The following ST3GAL3 variants were observed in gnomAD, a reference collection of about 807,000 sequenced individuals.
ST3GAL3 encodes ST3 beta-galactoside alpha-2,3-sialyltransferase 3, also known as CMP-N-acetylneuraminate-beta-1,4-galactoside alpha-2,3-sialyltransferase.
In ST3GAL3, 21 loss-of-function variants were observed where a neutral mutation model predicts 50.1. The observed-to-expected ratio is 0.42, with a 90% CI of 0.30 to 0.60. The LOEUF is 0.60. Ranked by LOEUF, ST3GAL3 falls within the 20% of genes least tolerant of loss-of-function variation. The pLI is 0.19. For synonymous variants in ST3GAL3, 183 were observed against 190.0 expected, an observed-to-expected ratio of 0.96 and a Z score of 0.30; for missense variants, 353 against 489.4, an observed-to-expected ratio of 0.72 and a Z score of 2.63.
At chr1:43,917,422 T>C (rs1157969015) in intron 9 of ST3GAL3, among the ~76,000 whole-genome samples, 1 of 119,678 alleles carries the variant, frequency 8.4e-6, no homozygotes, top group Non-Finnish European at 1.6e-5. Context: ...TGTTTCCCTC[T>C]CTATACTATC....
At chr1:43,925,602 T>C (rs1026743753) in intron 11 of ST3GAL3, among the ~76,000 whole-genome samples, 1 of 152,204 alleles carries the variant, frequency 6.6e-6, no homozygotes, top group Admixed American at 6.5e-5. Context: ...CTCTGTTACC[T>C]GGGGTGTCTC....
chr1:43,917,149 C>G (rs2081947979), intron 9 of ST3GAL3: 1 of 151,564 alleles, frequency 6.6e-6, no homozygotes, highest in South Asian at 2.1e-4. Context: ...TATAGCAGTC[C>G]AGGAGAATTT....
intron 5 of ST3GAL3, among the ~76,000 whole-genome samples, chr1:43,870,719 G>A (rs1183570579): frequency 6.6e-6 from 1 of 152,178 alleles, no homozygotes; most frequent in Admixed American, 6.5e-5. Flanking sequence ...CTGTTCCCGG[G>A]AGAGCCTGTG....
chr1:43,830,217 T>A (rs58911208), intron 4 of ST3GAL3, among the ~76,000 whole-genome samples: 7,556 of 151,830 alleles, frequency 0.05, 612 homozygotes, highest in African/African-American at 0.17. Flanking sequence ...AAATTTTTTT[T>A]AAATAGAGAT....
At chr1:43,784,160 A>C (rs907097975) in intron 2 of ST3GAL3, among the ~76,000 whole-genome samples, 11 of 152,100 alleles carry the variant, frequency 7.2e-5, no homozygotes, top group African/African-American at 2.7e-4. Context: ...ATACCAGCTT[A>C]AGTACTATCT....
intron 5 of ST3GAL3, among the ~76,000 whole-genome samples, chr1:43,892,344 A>AC (rs1221596310): frequency 6.6e-6 from 1 of 151,592 alleles, no homozygotes; most frequent in Non-Finnish European, 1.5e-5. Context: ...TGCAGCCTCA[A>AC]CCCCCCGAGC....
At chr1:43,742,416 T>C (rs1681350641) in intron 2 of ST3GAL3, among the ~76,000 whole-genome samples, 1 of 152,214 alleles carries the variant, frequency 6.6e-6, no homozygotes, top group South Asian at 2.1e-4. Flanking sequence ...TCCACACTCA[T>C]GATGCATAAA....
At chr1:43,847,624 C>T (rs886112822) in intron 5 of ST3GAL3, among the ~76,000 whole-genome samples, 5 of 152,098 alleles carry the variant, frequency 3.3e-5, no homozygotes, top group African/African-American at 1.2e-4. Flanking sequence ...TTTCCATGTG[C>T]TGGGAGGAGG....
chr1:43,856,447 G>T (rs955760201), intron 5 of ST3GAL3, among the ~76,000 whole-genome samples: 1 of 152,218 alleles, frequency 6.6e-6, no homozygotes, highest in Non-Finnish European at 1.5e-5. Flanking sequence ...CTGAATCGAG[G>T]CTCTGAACCA....
chr1:43,769,151 G>C (rs1694170210), intron 2 of ST3GAL3, among the ~76,000 whole-genome samples: 1 of 152,020 alleles, frequency 6.6e-6, no homozygotes, highest in South Asian at 2.1e-4. Context: ...ATTTTTATTA[G>C]ATTAAAAAGA....
At chr1:43,863,965 G>A (rs1032577453) in intron 5 of ST3GAL3, among the ~76,000 whole-genome samples, 10 of 131,476 alleles carry the variant, frequency 7.6e-5, no homozygotes, top group Non-Finnish European at 1.3e-4. Context: ...CAGAGGTCTA[G>A]GGGAGAGTGA....
At chr1:43,805,804 C>T (rs1454695682) in intron 3 of ST3GAL3, among the ~76,000 whole-genome samples, 4 of 152,110 alleles carry the variant, frequency 2.6e-5, no homozygotes, top group African/African-American at 7.2e-5. Flanking sequence ...GGTGCGATCT[C>T]GGCTCACGGT....
intron 5 of ST3GAL3, among the ~76,000 whole-genome samples, chr1:43,883,293 G>T (rs2075453534): frequency 6.6e-6 from 1 of 152,150 alleles, no homozygotes; most frequent in Non-Finnish European, 1.5e-5. Flanking sequence ...GAGCCACTTA[G>T]GAAGGGGTCT....
chr1:43,877,570 A>C (rs1156308537), intron 5 of ST3GAL3, among the ~76,000 whole-genome samples: 1 of 152,174 alleles, frequency 6.6e-6, no homozygotes, highest in African/African-American at 2.4e-5. Flanking sequence ...TGCCAGTAGG[A>C]GATCTTGGAC....
At chr1:43,887,107 G>A (rs943526273) in intron 5 of ST3GAL3, among the ~76,000 whole-genome samples, 7 of 152,204 alleles carry the variant, frequency 4.6e-5, no homozygotes, top group African/African-American at 1.7e-4. Context: ...TGCTTAAAGA[G>A]AGTTGGAAAA....
At chr1:43,778,585 G>T (rs1402123470) in intron 2 of ST3GAL3, among the ~76,000 whole-genome samples, 1 of 150,476 alleles carries the variant, frequency 6.6e-6, no homozygotes, top group Admixed American at 6.6e-5. Flanking sequence ...TGAGTATTTA[G>T]TAAGATATTC....
At chr1:43,796,612 C>T (rs370516469) in intron 3 of ST3GAL3, among the ~76,000 whole-genome samples, 9 of 152,154 alleles carry the variant, frequency 5.9e-5, no homozygotes, top group Non-Finnish European at 8.8e-5. Flanking sequence ...CCAACCTGGT[C>T]GATTGTCTGC....
At chr1:43,730,550 TTTC>T (rs1286808363) in intron 1 of ST3GAL3, among the ~76,000 whole-genome samples, 1 of 150,858 alleles carries the variant, frequency 6.6e-6, no homozygotes. Context: ...CTTTTCTTTT[TTTC>T]TTTCTTTTCT....
chr1:43,782,629 C>A (rs780303900), intron 2 of ST3GAL3, among the ~76,000 whole-genome samples: 1 of 152,134 alleles, frequency 6.6e-6, no homozygotes, highest in Non-Finnish European at 1.5e-5. Context: ...CTGTCATCAA[C>A]GGTGATGATG....
Sources: allele counts gnomAD v4.1 joint callset (sites outside exome capture counted in the v4.1 genomes callset), GRCh38; gene constraint gnomAD v4.1.1; transcripts MANE v1.5; gene names NCBI Gene and HGNC (gene_info 2026-07-23, HGNC 2026-07-21).